STX6: variants seen among roughly 807,000 people sequenced by gnomAD.
The protein encoded by STX6 is syntaxin 6.
In STX6, 23 loss-of-function variants were observed where a neutral mutation model predicts 38.0. The ratio of observed to expected loss-of-function variants is 0.60; its 90% CI spans 0.43 to 0.86. The LOEUF (loss-of-function observed/expected upper bound fraction) is 0.86. Ranked by LOEUF, STX6 falls within the 40% of genes least tolerant of loss-of-function variation. STX6 has a pLI of 0.00. For missense variants in STX6, 274 were observed against 312.9 expected, an observed-to-expected ratio of 0.88 and a Z score of 0.94; for synonymous variants, 123 against 107.5, an observed-to-expected ratio of 1.14 and a Z score of -0.89.
In STX6 at chr1:180,975,079, T is replaced by C. The variant is rs1386225668; in HGVS notation, c.*1491A>G. 4 of 151,876 alleles carry C rather than the reference T, an allele frequency of 2.6e-5. No homozygotes were observed. Among genetic ancestry groups the C allele is most frequent in the Non-Finnish European group, 5.9e-5 (4 of 67,884 alleles). 9.4% of individuals were successfully genotyped at this position (151,876 alleles called of 1,614,324 possible). On this transcript the variant is annotated 3_prime_UTR_variant, in exon 8 of 8. Transcript: ENST00000258301. ...ACCAAAACCCCCAAATAAAACCACA[T>C]GAAATACAAACAAAACAAAACAAAA...
At chr1:180,977,379 G>A (rs1210567194) in intron 7 of STX6, among the ~76,000 whole-genome samples, 1 of 152,220 alleles carries the variant, frequency 6.6e-6, no homozygotes, top group Non-Finnish European at 1.5e-5. Context: ...GGCCCTGGGG[G>A]AGCCCTGCTG....
At chr1:180,989,809 C>T (rs992805741) in intron 5 of STX6, among the ~76,000 whole-genome samples, 175 bp downstream of exon 5, 2 of 152,094 alleles carry the variant, frequency 1.3e-5, no homozygotes, top group Non-Finnish European at 2.9e-5. Context: ...GAAGCAGTCA[C>T]ACTGTGAAGA....
Position 181,022,336 on chromosome 1 carries a change from C to T in STX6, c.35+303G>A, listed in dbSNP as rs544440209. ...GTGTGCGCCAGGACCCGCGTGTCTC[C>T]TTCCCCACCTGCAGAGCTGCTGAGC... On this transcript the variant is annotated intron_variant, in intron 1 of 7. Transcript: ENST00000258301. Among the ~76,000 whole-genome samples, 56 of 152,330 alleles carry T rather than the reference C, an allele frequency of 3.7e-4. No homozygotes were observed. In the South Asian group the frequency reaches 0.011, roughly 29 times the overall value.
At chr1:180,993,493 T>C (rs984657328) in intron 3 of STX6, 68 bp from the exon 4 acceptor site, 3 of 841,652 alleles carry the variant, frequency 3.6e-6, no homozygotes, top group Non-Finnish European at 3.9e-6. Context: ...TAACATTTCA[T>C]ACATTAGCAA....
At chr1:180,991,942 A>T (rs1488613228) in intron 4 of STX6, among the ~76,000 whole-genome samples, 2 of 72,344 alleles carry the variant, frequency 2.8e-5, no homozygotes, top group Admixed American at 1.4e-4. Flanking sequence ...ATTTAAATTT[A>T]TATATATATA....
At chr1:181,011,525 A>T (rs374125020) in intron 1 of STX6, among the ~76,000 whole-genome samples, 8 of 152,224 alleles carry the variant, frequency 5.3e-5, no homozygotes, top group African/African-American at 1.7e-4. Flanking sequence ...CACAAGACAC[A>T]CCTAATAATG....
intron 3 of STX6, among the ~76,000 whole-genome samples, chr1:180,999,245 T>C (rs1656008859): frequency 6.6e-6 from 1 of 152,210 alleles, no homozygotes; most frequent in Admixed American, 6.6e-5. Flanking sequence ...TGACTTACCA[T>C]GGTTAAGATT....
intron 3 of STX6, among the ~76,000 whole-genome samples, chr1:180,999,317 C>G (rs144285233): frequency 8.5e-4 from 130 of 152,286 alleles, no homozygotes; most frequent in African/African-American, 3.1e-3. Context: ...CACCATTATT[C>G]TGCCATATAC....
chr1:181,008,524 C>A (rs979105324), intron 1 of STX6, among the ~76,000 whole-genome samples: 1 of 152,116 alleles, frequency 6.6e-6, no homozygotes, highest in Non-Finnish European at 1.5e-5. Context: ...GGATCTTTTA[C>A]TTTTGGATGA....
At chr1:181,021,115 AG>A (rs1656712354) in intron 1 of STX6, among the ~76,000 whole-genome samples, 1 of 152,224 alleles carries the variant, frequency 6.6e-6, no homozygotes, top group Non-Finnish European at 1.5e-5. Context: ...GATACCATCA[AG>A]AAAAAAAAAT....
intron 3 of STX6, among the ~76,000 whole-genome samples, chr1:180,999,003 C>T (rs139287560): frequency 6.6e-6 from 1 of 152,224 alleles, no homozygotes. Context: ...AACCCCAGTG[C>T]TTCCCACTCA....
intron 3 of STX6, 83 bp from the exon 4 acceptor site, chr1:180,993,508 C>G: frequency 1.4e-6 from 1 of 696,884 alleles, no homozygotes; most frequent in Non-Finnish European, 2.5e-6. Context: ...TAGCAAAACA[C>G]ACAATTTATT....
intron 6 of STX6, among the ~76,000 whole-genome samples, chr1:180,985,932 T>C (rs1655568518): frequency 6.6e-6 from 1 of 152,360 alleles, no homozygotes; most frequent in African/African-American, 2.4e-5. Flanking sequence ...AATCAACTGT[T>C]ACATATATGT....
chr1:181,000,122 C>G (rs1042414082), intron 3 of STX6, among the ~76,000 whole-genome samples: 1 of 152,170 alleles, frequency 6.6e-6, no homozygotes, highest in African/African-American at 2.4e-5. Flanking sequence ...CAGCTTCCCC[C>G]AAAGGGGTCA....
At position 180,993,434 on chromosome 1, in the gene STX6, AAAG is replaced by A. The variant is rs775674131; in HGVS notation, c.301-12_301-10del. On this transcript the variant is annotated splice_polypyrimidine_tract_variant and intron_variant, in intron 3 of 7. Coordinates refer to ENST00000258301, the MANE Select transcript of STX6 (RefSeq NM_005819.6). ...ATCTGATCTTTCATGTCCTAATGAGAAAGAAGATACGAAAACAAATGAAAAATA... is the reference window on the plus strand; with the variant it reads ...ATCTGATCTTTCATGTCCTAATGAGAAAGATACGAAAACAAATGAAAAATA... 1.3e-5 allele frequency: 20 copies of A among 1,561,800 alleles called. No homozygotes were observed. In the South Asian group the frequency reaches 2.3e-4, roughly 18 times the overall value.
chr1:180,990,190 T>C (rs1655714981), intron 4 of STX6, 81 bp from the exon 5 acceptor site: 3 of 1,547,360 alleles, frequency 1.9e-6, no homozygotes, highest in East Asian at 2.3e-5. Flanking sequence ...AAGAGTGATA[T>C]AAAGAGTTTT....
At position 181,005,359 on chromosome 1, in the gene STX6, G is replaced by A; in HGVS notation, c.140C>T (p.Thr47Ile). 6.2e-7 allele frequency: 1 copy of A among 1,614,072 alleles called. No individual in the cohort carries two copies. The highest frequency in any genetic ancestry group is 8.5e-7 in the Non-Finnish European group (1 of 1,179,992). ...CCGGAGGTTATTTCTCAGCTCGTTG[G>A]TGGTCCAGTCGATTTCTTCCCTTGT... ...TATREEIDWT[T>I]NELRNNLRSI... Residue 47 changes from threonine to isoleucine, a missense_variant, in exon 2 of 8, where the codon ACC becomes ATC. Transcript: ENST00000258301.
intron 7 of STX6, among the ~76,000 whole-genome samples, chr1:180,982,268 A>G (rs1571325642): frequency 6.6e-6 from 1 of 152,208 alleles, no homozygotes; most frequent in East Asian, 1.9e-4. Flanking sequence ...GGAGGAGAGC[A>G]GAGACGAATA....
At chr1:181,004,881 G>C (rs1226374643) in intron 2 of STX6, among the ~76,000 whole-genome samples, 1 of 151,462 alleles carries the variant, frequency 6.6e-6, no homozygotes, top group Non-Finnish European at 1.5e-5. Context: ...CTGTGGACCT[G>C]ATGCTATCTC....
Sources: gnomAD v4.1 joint callset for allele counts (sites outside exome capture counted in the v4.1 genomes callset) on GRCh38, gnomAD v4.1.1 for gene constraint, MANE v1.5 for transcripts, NCBI Gene and HGNC (gene_info 2026-07-23, HGNC 2026-07-21) for gene names.